STXBP3: variants seen among roughly 807,000 people sequenced by gnomAD.
The protein encoded by STXBP3 is syntaxin binding protein 3, also known as syntaxin-binding protein 3.
In STXBP3, 41 loss-of-function variants were observed where a neutral mutation model predicts 85.7. That is an observed-to-expected ratio of 0.48 (90% CI 0.37 to 0.62). The LOEUF is 0.62. STXBP3 is among the 20% of genes least tolerant of loss of function. The pLI is 0.00. For missense variants in STXBP3, 563 were observed against 703.1 expected (o/e 0.80, Z 2.25); for synonymous variants, 229 against 231.7 (o/e 0.99, Z 0.10).
chr1:108,755,895 G>C (rs1183438703), intron 3 of STXBP3, among the ~76,000 whole-genome samples: 2 of 152,112 alleles, frequency 1.3e-5, no homozygotes, highest in Non-Finnish European at 2.9e-5. Flanking sequence ...TTAGGAATGA[G>C]AAAAGGAAAT....
At chr1:108,770,187 G>A (rs1040283616) in intron 6 of STXBP3, among the ~76,000 whole-genome samples, 5 of 151,968 alleles carry the variant, frequency 3.3e-5, no homozygotes, top group Admixed American at 6.6e-5. Context: ...TCCTAGCTAC[G>A]TGGGAGGCTG....
intron 17 of STXBP3, among the ~76,000 whole-genome samples, chr1:108,800,637 G>C (rs1381512903): frequency 2.0e-5 from 3 of 152,030 alleles, no homozygotes; most frequent in African/African-American, 7.2e-5. Flanking sequence ...ATACCCTTAT[G>C]CCCAGTGCCC....
In STXBP3 at chr1:108,800,301, G is replaced by A. The variant is rs764251591; in HGVS notation, c.1531G>A (p.Val511Ile). 2 of 1,605,516 alleles carry A rather than the reference G, an allele frequency of 1.2e-6. No individual in the cohort carries two copies. The highest frequency in any genetic ancestry group is 2.7e-5 in the African/African-American group (2 of 74,704). ...CPAVWNGSGAVSARQKPRANY... is the reference protein window; with the variant it reads ...CPAVWNGSGAISARQKPRANY... ...AGCAGTATGGAATGGTTCAGGAGCT[G>A]TAAGGTAAATTCTACAAGTGAAAAT... The change falls in exon 17 of 19, where the codon GTA becomes ATA. Residue 511 changes from valine to isoleucine, a missense_variant. Transcript: ENST00000370008.
At chr1:108,792,480 C>T (rs1662997075) in intron 11 of STXBP3, among the ~76,000 whole-genome samples, 1 of 152,202 alleles carries the variant, frequency 6.6e-6, no homozygotes, top group Non-Finnish European at 1.5e-5. Flanking sequence ...GAATACCCAT[C>T]ACCTTGAACA....
intron 4 of STXBP3, among the ~76,000 whole-genome samples, chr1:108,758,284 C>CTTTT (rs1662061888): frequency 6.8e-6 from 1 of 147,888 alleles, no homozygotes. Flanking sequence ...TTTTTTTTTC[C>CTTTT]AAAACCAAAA....
rs1662454467 is a variant in STXBP3, at chr1:108,771,992, CA to C, written c.439-672del. Reference sequence around the variant, plus strand: ...ATATAAATACATATGATATCTGTATCATATATAAATACATATGATATCTGTA... The same window carrying C: ...ATATAAATACATATGATATCTGTATCTATATAAATACATATGATATCTGTA... On this transcript the variant is annotated intron_variant, in intron 6 of 18. Coordinates refer to ENST00000370008, the MANE Select transcript of STXBP3 (RefSeq NM_007269.4). Among the ~76,000 whole-genome samples, 2 of 5,490 alleles carry C rather than the reference CA, an allele frequency of 3.6e-4. 1 individual carries two copies. The allele number at this position is 5,490 out of a possible 152,430, so 3.6% of individuals were successfully genotyped here. A position where few individuals can be genotyped will look rare whatever the true frequency, so the allele number is the denominator to read the frequency against.
intron 6 of STXBP3, among the ~76,000 whole-genome samples, chr1:108,763,623 TG>T (rs1662194386): frequency 6.6e-6 from 1 of 152,172 alleles, no homozygotes; most frequent in African/African-American, 2.4e-5. Context: ...TTACCCAGGC[TG>T]GGGTGCAGTG....
chr1:108,803,332 A>AC lies in STXBP3; in HGVS notation c.1535+3033dup, dbSNP rs200831522. Reference sequence around the variant, plus strand: ...TTTGTGTTCACTTTGTATCTTTTTTACCCCCCATATTACTAAGCAGCATTA... The same window carrying AC: ...TTTGTGTTCACTTTGTATCTTTTTTACCCCCCCATATTACTAAGCAGCATTA... On this transcript the variant is annotated intron_variant, in intron 17 of 18. Transcript: ENST00000370008. 7.2e-3 allele frequency among the ~76,000 whole-genome samples: 1,094 copies of AC among 151,972 alleles called. 5 individuals are homozygous for AC. The highest frequency in any genetic ancestry group is 0.01 in the Non-Finnish European group (706 of 67,964).
At chr1:108,788,819 G>T (rs867386014) in intron 11 of STXBP3, among the ~76,000 whole-genome samples, 56 of 151,982 alleles carry the variant, frequency 3.7e-4, no homozygotes, top group African/African-American at 1.3e-3. Context: ...CCCAGCACTT[G>T]GGGAGGCCAA....
intron 11 of STXBP3, among the ~76,000 whole-genome samples, chr1:108,788,789 C>T (rs563749328): frequency 1.8e-4 from 27 of 152,146 alleles, no homozygotes; most frequent in African/African-American, 5.1e-4. Flanking sequence ...AGTCCGGGCA[C>T]GGTGGCTCAC....
chr1:108,788,485 G>A (rs1239896505), intron 11 of STXBP3, among the ~76,000 whole-genome samples: 1 of 152,086 alleles, frequency 6.6e-6, no homozygotes, highest in Non-Finnish European at 1.5e-5. Context: ...TTGTTCTATT[G>A]CTGCTTGAAA....
intron 7 of STXBP3, among the ~76,000 whole-genome samples, chr1:108,774,902 A>G (rs1168320446): frequency 6.6e-6 from 1 of 152,046 alleles, no homozygotes; most frequent in East Asian, 1.9e-4. Context: ...GCCAATTTAT[A>G]ATTTTATCAC....
At chr1:108,753,328 T>TTA in intron 3 of STXBP3, 184 bp downstream of exon 3, 1 of 393,224 alleles carries the variant, frequency 2.5e-6, no homozygotes, top group Non-Finnish European at 4.5e-6. Context: ...AGCCGAGACA[T>TTA]ATAATTAAGA....
intron 7 of STXBP3, among the ~76,000 whole-genome samples, chr1:108,774,873 A>T (rs1759478): frequency 1.3e-5 from 2 of 151,742 alleles, no homozygotes; most frequent in Non-Finnish European, 2.9e-5. Flanking sequence ...GGTTACGTTC[A>T]GGGAAATGAG....
intron 15 of STXBP3, among the ~76,000 whole-genome samples, chr1:108,797,667 C>G (rs1211181064): frequency 1.3e-5 from 2 of 152,022 alleles, no homozygotes; most frequent in Admixed American, 1.3e-4. Flanking sequence ...CTCAGCCTCC[C>G]AAAGTTCTGG....
chr1:108,765,591 T>TTTTTTTTGC (rs796642937), intron 6 of STXBP3, among the ~76,000 whole-genome samples: 1 of 122,654 alleles, frequency 8.2e-6, no homozygotes, highest in Non-Finnish European at 1.7e-5. Context: ...TTTTTTTTTT[T>TTTTTTTTGC]TGAGACGGAG....
intron 17 of STXBP3, among the ~76,000 whole-genome samples, chr1:108,803,966 T>C (rs1663279750): frequency 6.6e-6 from 1 of 152,230 alleles, no homozygotes; most frequent in African/African-American, 2.4e-5. Context: ...GTCAGTCTTG[T>C]ACCTTTGTAA....
At chr1:108,770,687 T>G (rs964721296) in intron 6 of STXBP3, among the ~76,000 whole-genome samples, 3 of 152,158 alleles carry the variant, frequency 2.0e-5, no homozygotes, top group Non-Finnish European at 4.4e-5. Context: ...TACAATAAAT[T>G]TTCATAGTTT....
intron 6 of STXBP3, among the ~76,000 whole-genome samples, 165 bp downstream of exon 6, chr1:108,760,250 A>G (rs1442063997): frequency 6.6e-6 from 1 of 152,210 alleles, no homozygotes; most frequent in Non-Finnish European, 1.5e-5. Flanking sequence ...CGCGTGAGCA[A>G]TAAATTGGAA....
Sources: allele counts gnomAD v4.1 joint callset (sites outside exome capture counted in the v4.1 genomes callset), GRCh38; gene constraint gnomAD v4.1.1; transcripts MANE v1.5; gene names NCBI Gene and HGNC (gene_info 2026-07-23, HGNC 2026-07-21).